The following POU2F2 variants were observed in gnomAD, a reference collection of about 807,000 sequenced individuals.
POU2F2 encodes POU class 2 homeobox 2.
Under a neutral mutation model 63.5 loss-of-function variants are expected in POU2F2, and 14 were observed. That is an observed-to-expected ratio of 0.22 (90% CI 0.15 to 0.34). The LOEUF (loss-of-function observed/expected upper bound fraction) is 0.34, where lower values mean the gene tolerates loss of function less well. Among genes scored for constraint, POU2F2 ranks in the 10% least tolerant of loss-of-function variants. The pLI, the probability that POU2F2 is intolerant of heterozygous loss-of-function variation, is 1.00. For synonymous variants in POU2F2, 306 were observed against 348.6 expected, an observed-to-expected ratio of 0.88 and a Z score of 1.36; for missense variants, 607 against 815.2, an observed-to-expected ratio of 0.74 and a Z score of 3.11.
At chr19:42,160,549 C>A (rs1021724724) in intron 1 of POU2F2, among the ~76,000 whole-genome samples, 9 of 152,218 alleles carry the variant, frequency 5.9e-5, no homozygotes, top group South Asian at 2.1e-4. Context: ...CAGGTCCAGT[C>A]AGCCACTTGT....
At chr19:42,106,134 C>T (rs1341722884) in intron 5 of POU2F2, among the ~76,000 whole-genome samples, 1 of 151,136 alleles carries the variant, frequency 6.6e-6, no homozygotes, top group Non-Finnish European at 1.5e-5. Flanking sequence ...TGGAGTCTCC[C>T]TCTGTCACCC....
intron 1 of POU2F2, among the ~76,000 whole-genome samples, chr19:42,129,362 C>A (rs948939031): frequency 6.6e-6 from 1 of 152,118 alleles, no homozygotes; most frequent in Non-Finnish European, 1.5e-5. Flanking sequence ...GGTCAGACAC[C>A]CCTCAACCAG....
chr19:42,091,338 G>A lies in POU2F2; in HGVS notation c.1794C>T (p.Ser598=), dbSNP rs945675222. Reference sequence around the variant, plus strand: ...CCGTCTCGCTGCAAGTGGAGGAGGAGGAGGATGAGGATGAAGAGGATGAGG... The same window carrying A: ...CCGTCTCGCTGCAAGTGGAGGAGGAAGAGGATGAGGATGAAGAGGATGAGG... ...LSSSSSSSSS[S]SSSTCSETAA... The change falls in exon 15 of 15, where the codon TCC becomes TCT. Residue 598 remains serine (S), a synonymous_variant. Transcript: ENST00000692977. 1.3e-6 allele frequency: 2 copies of A among 1,535,954 alleles called. No homozygotes were observed. The highest frequency in any genetic ancestry group is 2.7e-5 in the African/African-American group (2 of 72,966).
In POU2F2 at chr19:42,091,461, C is replaced by A. The variant is rs1218034291; in HGVS notation, c.1671G>T (p.Gly557=). 2 of 1,550,218 alleles carry A rather than the reference C, an allele frequency of 1.3e-6. No individual in the cohort carries two copies. The highest frequency in any genetic ancestry group is 1.7e-6 in the Non-Finnish European group (2 of 1,146,536). Residue 557 remains glycine (G), a synonymous_variant, in exon 15 of 15, where the codon GGG becomes GGT. Coordinates refer to ENST00000692977, the MANE Select transcript of POU2F2 (RefSeq NM_001394376.1). ...VTSPLFLNHA[G]LPLLSTPPGV... ...CAGGCGGGGTGCTGAGCAGGGGCAG[C>A]CCAGCATGATTCAAGAAGAGCGGCG...
upstream of POU2F2, among the ~76,000 whole-genome samples, chr19:42,135,546 G>A (rs377471621): frequency 3.9e-5 from 6 of 151,940 alleles, no homozygotes; most frequent in African/African-American, 1.5e-4. Context: ...GTCCCCCAGT[G>A]GGCCTCAGAG....
chr19:42,149,572 T>C (rs897760880), intron 2 of POU2F2, among the ~76,000 whole-genome samples: 15 of 151,688 alleles, frequency 9.9e-5, no homozygotes, highest in Non-Finnish European at 2.2e-4. Flanking sequence ...GGTTTTTAAA[T>C]CCCTGGAGGG....
chr19:42,168,606 T>G (rs978723788), intron 1 of POU2F2, among the ~76,000 whole-genome samples: 3 of 152,196 alleles, frequency 2.0e-5, no homozygotes, highest in Non-Finnish European at 4.4e-5. Context: ...GAATGCTTTG[T>G]GCACCTCATC....
At chr19:42,175,191 C>T (rs1019132455) in intron 1 of POU2F2, among the ~76,000 whole-genome samples, 2 of 152,200 alleles carry the variant, frequency 1.3e-5, no homozygotes, top group African/African-American at 4.8e-5. Flanking sequence ...AGCAGGACTT[C>T]TCCAGGAGGC....
chr19:42,193,173 G>A (rs577401430), intron 1 of POU2F2, among the ~76,000 whole-genome samples: 164 of 149,574 alleles, frequency 1.1e-3, no homozygotes, highest in African/African-American at 3.6e-3. Flanking sequence ...AGCCAAGATC[G>A]GGCCACTGCA....
chr19:42,134,223 G>A (rs928531411), upstream of POU2F2, among the ~76,000 whole-genome samples: 29 of 147,072 alleles, frequency 2.0e-4, no homozygotes, highest in Non-Finnish European at 3.3e-4. Flanking sequence ...TATGGGGGGG[G>A]GCAAAACCTC....
intron 1 of POU2F2, among the ~76,000 whole-genome samples, chr19:42,185,242 A>G (rs2035000777): frequency 6.6e-6 from 1 of 152,052 alleles, no homozygotes; most frequent in Non-Finnish European, 1.5e-5. Flanking sequence ...CCCTGCTCCC[A>G]GTGTCCTAGT....
intron 1 of POU2F2, among the ~76,000 whole-genome samples, chr19:42,130,289 TCACA>T (rs1339850106): frequency 1.3e-5 from 2 of 152,012 alleles, no homozygotes; most frequent in Admixed American, 6.5e-5. Context: ...ATGCACATGC[TCACA>T]CAGAGTCACA....
chr19:42,194,986 AG>A (rs2035117772), intron 1 of POU2F2, among the ~76,000 whole-genome samples: 1 of 91,036 alleles, frequency 1.1e-5, no homozygotes, highest in African/African-American at 5.0e-5. Flanking sequence ...AGGGAGAAAG[AG>A]AGGGAGGGAG....
At chr19:42,126,031 G>A (rs1263621788) in intron 1 of POU2F2, among the ~76,000 whole-genome samples, 1 of 152,196 alleles carries the variant, frequency 6.6e-6, no homozygotes, top group African/African-American at 2.4e-5. Context: ...TTCATACACG[G>A]AAGTCCTAAT....
intron 1 of POU2F2, among the ~76,000 whole-genome samples, chr19:42,194,264 T>C (rs2035104811): frequency 1.3e-5 from 2 of 151,838 alleles, no homozygotes; most frequent in Non-Finnish European, 2.9e-5. Context: ...TGCATGCCTG[T>C]AGTCCCAGCT....
chr19:42,150,634 T>TCCCCCCTG (rs965713351), intron 2 of POU2F2, among the ~76,000 whole-genome samples: 13 of 139,940 alleles, frequency 9.3e-5, no homozygotes, highest in Middle Eastern at 7.1e-3. Context: ...CGAGCCGCCC[T>TCCCCCCTG]CCCCCCTGCA....
chr19:42,185,784 C>T (rs1286830310), intron 1 of POU2F2, among the ~76,000 whole-genome samples: 1 of 152,182 alleles, frequency 6.6e-6, no homozygotes, highest in Non-Finnish European at 1.5e-5. Context: ...GGGAATAGGA[C>T]ACAATTCCTG....
rs527351768 is a variant in POU2F2 at position 42,117,343 on chromosome 19, G to A, written c.276C>T (p.Gly92=). ...PPQIKAEDPS[G]DSAPAAPLPP... ...GCAGGGGTGCTGCTGGGGCTGAATCGCCACTGGGGTCTTCAGCCTTGATCT... is the reference window on the plus strand; with the variant it reads ...GCAGGGGTGCTGCTGGGGCTGAATCACCACTGGGGTCTTCAGCCTTGATCT... The change falls in exon 5 of 15, where the codon GGC becomes GGT. Residue 92 remains glycine, a synonymous_variant. Transcript: ENST00000692977. The surrounding 1 kb of genome is among the most constrained non-coding windows in gnomAD (Gnocchi z 4.4). 370 of 1,527,820 alleles carry A rather than the reference G, an allele frequency of 2.4e-4. No individual in the cohort carries two copies. Among genetic ancestry groups the A allele is most frequent in the East Asian group, 1.3e-4 (5 of 38,644 alleles). 94.6% of individuals were successfully genotyped at this position (1,527,820 alleles called of 1,614,324 possible).
intron 2 of POU2F2, among the ~76,000 whole-genome samples, chr19:42,159,208 G>A (rs2034510246): frequency 6.6e-6 from 1 of 152,172 alleles, no homozygotes; most frequent in Admixed American, 6.5e-5. Flanking sequence ...ACACAAGTCT[G>A]GGTTCCTGGC....
Sources: allele counts gnomAD v4.1 joint callset (sites outside exome capture counted in the v4.1 genomes callset), GRCh38; gene constraint gnomAD v4.1.1; non-coding constraint Gnocchi (gnomAD v3.1); transcripts MANE v1.5; gene names NCBI Gene and HGNC (gene_info 2026-07-23, HGNC 2026-07-21).